Variants in NCKAP1 observed in about 807,000 individuals in gnomAD.
The protein encoded by NCKAP1 is nck-associated protein 1.
NCKAP1 carries 21 observed loss-of-function variants against 151.2 expected under a neutral mutation model. The ratio of observed to expected loss-of-function variants is 0.14; its 90% CI spans 0.10 to 0.20. The LOEUF (loss-of-function observed/expected upper bound fraction) is 0.20. Ranked by LOEUF, NCKAP1 falls within the 10% of genes least tolerant of loss-of-function variation. The pLI, the probability that NCKAP1 is intolerant of heterozygous loss-of-function variation, is 1.00. For synonymous variants in NCKAP1, 484 were observed against 451.8 expected, an observed-to-expected ratio of 1.07 and a Z score of -0.90; for missense variants, 933 against 1,352.1, an observed-to-expected ratio of 0.69 and a Z score of 4.86.
At chr2:182,983,485 A>G (rs1372982662) in intron 10 of NCKAP1, 103 bp from the exon 11 acceptor site, 3 of 703,596 alleles carry the variant, frequency 4.3e-6, no homozygotes, top group Non-Finnish European at 7.1e-6. Context: ...GTCTTTTTTT[A>G]GGAAGCCAAA....
chr2:183,002,085 CAA>C, intron 5 of NCKAP1, 40 bp downstream of exon 5: 1 of 1,612,170 alleles, frequency 6.2e-7, no homozygotes, highest in Non-Finnish European at 8.5e-7. Context: ...TGTAATCCAT[CAA>C]ACTGAGCATT....
intron 2 of NCKAP1, among the ~76,000 whole-genome samples, chr2:183,013,723 C>A (rs935587928): frequency 6.6e-6 from 1 of 152,146 alleles, no homozygotes; most frequent in African/African-American, 2.4e-5. Context: ...GGGTAATTAG[C>A]TAAGGTCCTC....
chr2:183,021,050 G>C (rs996577902), intron 2 of NCKAP1, among the ~76,000 whole-genome samples: 1 of 152,132 alleles, frequency 6.6e-6, no homozygotes, highest in African/African-American at 2.4e-5. Context: ...AATACTACAA[G>C]TAAGTCATAA....
At chr2:182,976,714 TAA>T (rs1193215335) in intron 15 of NCKAP1, among the ~76,000 whole-genome samples, 177 bp downstream of exon 15, 1 of 152,134 alleles carries the variant, frequency 6.6e-6, no homozygotes, top group Non-Finnish European at 1.5e-5. Flanking sequence ...CATATTGGCT[TAA>T]GTTATTAATA....
At chr2:183,033,747 T>G (rs1320671674) in intron 1 of NCKAP1, among the ~76,000 whole-genome samples, 1 of 152,222 alleles carries the variant, frequency 6.6e-6, no homozygotes, top group African/African-American at 2.4e-5. Flanking sequence ...TTTTCCAGTA[T>G]GGGTTCTTCT....
At chr2:182,971,814 AG>A (rs1372060361) in intron 15 of NCKAP1, among the ~76,000 whole-genome samples, 1 of 152,194 alleles carries the variant, frequency 6.6e-6, no homozygotes, top group Non-Finnish European at 1.5e-5. Context: ...CATTGGGGAA[AG>A]GACAGTCTCT....
chr2:182,911,903 G>T lies in NCKAP1; in HGVS notation c.*13799C>A, dbSNP rs969241667. The stretch of plus-strand genomic sequence containing the variant: ...CATTTCTGGTAGGCCTTTCTGATAG[G>T]TCACTTGAGAATGACTTTTGCATTA... On this transcript the variant is annotated 3_prime_UTR_variant, in exon 31 of 31. Transcript: ENST00000361354. 1 of 152,032 alleles carries T rather than the reference G, an allele frequency of 6.6e-6. No individual in the cohort carries two copies. Among genetic ancestry groups the T allele is most frequent in the Non-Finnish European group, 1.5e-5 (1 of 68,022 alleles). The allele number at this position is 152,032 out of a possible 1,614,324, so 9.4% of individuals were successfully genotyped here. A position where few individuals can be genotyped will look rare whatever the true frequency, so the allele number is the denominator to read the frequency against.
At chr2:183,037,147 A>C (rs1699117381) in intron 1 of NCKAP1, among the ~76,000 whole-genome samples, 1 of 152,266 alleles carries the variant, frequency 6.6e-6, no homozygotes, top group African/African-American at 2.4e-5. Flanking sequence ...TACTGAGGAC[A>C]TGTAAAAGCC....
chr2:182,961,535 C>A (rs994430992), intron 18 of NCKAP1, among the ~76,000 whole-genome samples: 1 of 152,012 alleles, frequency 6.6e-6, no homozygotes, highest in African/African-American at 2.4e-5. Context: ...ACAATGAGAA[C>A]ACATGGACAC....
intron 2 of NCKAP1, 85 bp downstream of exon 2, chr2:183,023,721 T>A: frequency 9.8e-7 from 1 of 1,023,960 alleles, no homozygotes; most frequent in Non-Finnish European, 1.5e-6. Context: ...ATTAGGTAAA[T>A]AAGAGCTACT....
chr2:182,983,254 AC>A lies in NCKAP1; in HGVS notation c.1101+31del, dbSNP rs747373012. On this transcript the variant is annotated intron_variant, in intron 11 of 30. Transcript: ENST00000361354. The stretch of plus-strand genomic sequence containing the variant: ...ACGTTTTTTAAAATTTTAATATGGC[AC>A]AATTATTGAAATAATAATTAAATGA... The A allele has an allele frequency of 2.0e-5, 29 of 1,470,112 alleles. 1 individual carries two copies. The South Asian group carries it at 3.3e-4, about 17-fold the overall frequency. 91.1% of individuals were successfully genotyped at this position (1,470,112 alleles called of 1,614,324 possible).
intron 24 of NCKAP1, among the ~76,000 whole-genome samples, chr2:182,937,195 A>G (rs1575016742): frequency 6.7e-6 from 1 of 149,354 alleles, no homozygotes; most frequent in Non-Finnish European, 1.5e-5. Flanking sequence ...ATAGCCATAT[A>G]TTTTCCAAAG....
At chr2:182,943,059 T>C (rs995329582) in intron 23 of NCKAP1, among the ~76,000 whole-genome samples, 1 of 152,190 alleles carries the variant, frequency 6.6e-6, no homozygotes, top group African/African-American at 2.4e-5. Flanking sequence ...TTCTGATCTC[T>C]ATATCTCTAC....
chr2:183,011,003 G>A lies in NCKAP1; in HGVS notation c.220-7678C>T, dbSNP rs577969757. Among the ~76,000 whole-genome samples, 6 of 152,276 alleles carry A rather than the reference G, an allele frequency of 3.9e-5. No homozygotes were observed. In the South Asian group the frequency reaches 1.2e-3, roughly 32 times the overall value. ...CATCATTGTAATTGATAATTATACAGATTTATTTATGTCAAGATGGCCTCA... is the reference window on the plus strand; with the variant it reads ...CATCATTGTAATTGATAATTATACAAATTTATTTATGTCAAGATGGCCTCA... On this transcript the variant is annotated intron_variant, in intron 2 of 30. Coordinates refer to ENST00000361354, the MANE Select transcript of NCKAP1 (RefSeq NM_013436.5).
At chr2:182,989,220 A>C (rs758422486) in intron 8 of NCKAP1, 34 bp from the exon 9 acceptor site, 2 of 1,525,488 alleles carry the variant, frequency 1.3e-6, no homozygotes, top group Non-Finnish European at 1.8e-6. Flanking sequence ...ACAAATGTAA[A>C]TGTACAAGTA....
chr2:183,035,408 AT>A (rs1246630197), intron 1 of NCKAP1, among the ~76,000 whole-genome samples: 1 of 152,166 alleles, frequency 6.6e-6, no homozygotes, highest in Non-Finnish European at 1.5e-5. Context: ...CTAAAATATC[AT>A]TTCCACTGTA....
intron 24 of NCKAP1, 149 bp from the exon 25 acceptor site, chr2:182,935,524 A>G (rs1452425157): frequency 2.0e-6 from 1 of 511,614 alleles, no homozygotes; most frequent in Non-Finnish European, 3.4e-6. Context: ...AATAATGATT[A>G]AAGAGAGAAA....
chr2:183,018,139 C>G (rs1313663811), intron 2 of NCKAP1, among the ~76,000 whole-genome samples: 1 of 151,854 alleles, frequency 6.6e-6, no homozygotes, highest in Non-Finnish European at 1.5e-5. Context: ...CCCAGCTACT[C>G]GGGAAGCTGA....
At chr2:182,956,626 A>C in intron 19 of NCKAP1, 33 bp from the exon 20 acceptor site, 1 of 1,571,850 alleles carries the variant, frequency 6.4e-7, no homozygotes, top group Non-Finnish European at 8.6e-7. Context: ...TAAAATGTTC[A>C]CATGTCATCA....
Sources: allele counts gnomAD v4.1 joint callset (sites outside exome capture counted in the v4.1 genomes callset), GRCh38; gene constraint gnomAD v4.1.1; transcripts MANE v1.5; gene names NCBI Gene and HGNC (gene_info 2026-07-23, HGNC 2026-07-21).